The following ARHGAP15 variants were observed in gnomAD, a reference collection of about 807,000 sequenced individuals.
ARHGAP15 encodes Rho GTPase activating protein 15, also known as rho GTPase-activating protein 15.
In ARHGAP15, 51 loss-of-function variants were observed where a neutral mutation model predicts 63.7. The ratio of observed to expected loss-of-function variants is 0.80; its 90% CI spans 0.64 to 1.01. The LOEUF (loss-of-function observed/expected upper bound fraction) is 1.01. ARHGAP15 is among the 50% of genes least tolerant of loss of function. The pLI is 0.00. For missense variants in ARHGAP15, 560 were observed against 564.6 expected (o/e 0.99, Z 0.08); for synonymous variants, 191 against 193.8 (o/e 0.99, Z 0.12).
At chr2:143,513,045 G>A (rs578056087) in intron 9 of ARHGAP15, among the ~76,000 whole-genome samples, 4 of 152,186 alleles carry the variant, frequency 2.6e-5, no homozygotes, top group African/African-American at 7.2e-5. Flanking sequence ...AAGTTCACCT[G>A]AGATACTAGG....
intron 2 of ARHGAP15, among the ~76,000 whole-genome samples, chr2:143,176,964 C>T (rs1044925772): frequency 3.3e-5 from 5 of 152,132 alleles, no homozygotes; most frequent in Middle Eastern, 3.2e-3. Context: ...ATAGGGACTA[C>T]GTTCCAGGAG....
At chr2:143,706,729 C>T (rs577145963) in intron 13 of ARHGAP15, 3 of 152,156 alleles carry the variant, frequency 2.0e-5, no homozygotes, top group Admixed American at 2.0e-4. Context: ...GGGTCAAGTT[C>T]TATGCATCTG....
chr2:143,465,497 G>A (rs1024782070), intron 8 of ARHGAP15, among the ~76,000 whole-genome samples: 1 of 152,044 alleles, frequency 6.6e-6, no homozygotes, highest in African/African-American at 2.4e-5. Flanking sequence ...CTCACTGAAG[G>A]CCTTTACTCT....
chr2:143,740,473 TCA>T (rs1288309595), intron 13 of ARHGAP15, among the ~76,000 whole-genome samples: 1 of 152,246 alleles, frequency 6.6e-6, no homozygotes, highest in African/African-American at 2.4e-5. Flanking sequence ...CTGGAAATTT[TCA>T]CAGAGAACTC....
At chr2:143,364,203 CAAAAAA>C (rs371427810) in intron 6 of ARHGAP15, among the ~76,000 whole-genome samples, 27 of 148,370 alleles carry the variant, frequency 1.8e-4, no homozygotes, top group African/African-American at 6.5e-4. Flanking sequence ...ACAACAACAA[CAAAAAA>C]AAAAAAAAAA....
At chr2:143,363,551 T>C (rs1239022074) in intron 6 of ARHGAP15, among the ~76,000 whole-genome samples, 1 of 152,092 alleles carries the variant, frequency 6.6e-6, no homozygotes, top group Non-Finnish European at 1.5e-5. Context: ...CTTTATATAG[T>C]TTTCTTCTTT....
At chr2:143,457,292 A>G (rs1218271889) in intron 8 of ARHGAP15, among the ~76,000 whole-genome samples, 1 of 152,076 alleles carries the variant, frequency 6.6e-6, no homozygotes, top group African/African-American at 2.4e-5. Flanking sequence ...TAACCCCAGC[A>G]CTTTAGGAGA....
intron 13 of ARHGAP15, among the ~76,000 whole-genome samples, chr2:143,743,346 A>AG (rs1376741763): frequency 6.6e-6 from 1 of 152,190 alleles, no homozygotes; most frequent in Non-Finnish European, 1.5e-5. Context: ...CTCCTTTAGA[A>AG]GGGGGCTTCC....
At chr2:143,133,035 A>G (rs1364566959) in intron 1 of ARHGAP15, among the ~76,000 whole-genome samples, 1 of 152,206 alleles carries the variant, frequency 6.6e-6, no homozygotes, top group Non-Finnish European at 1.5e-5. Flanking sequence ...AGAATGCTCT[A>G]TTAGAGTTCA....
At chr2:143,683,988 ATTATT>A (rs1488241010) in intron 12 of ARHGAP15, among the ~76,000 whole-genome samples, 4 of 152,194 alleles carry the variant, frequency 2.6e-5, no homozygotes, top group East Asian at 1.9e-4. Flanking sequence ...AACTTTCTGC[ATTATT>A]TTATTATATT....
intron 11 of ARHGAP15, among the ~76,000 whole-genome samples, chr2:143,592,257 A>C (rs1041116704): frequency 3.3e-5 from 5 of 152,214 alleles, no homozygotes; most frequent in African/African-American, 1.2e-4. Flanking sequence ...CTCAGCAAGA[A>C]ATTATAGCAT....
chr2:143,254,664 A>G (rs1473162274), intron 6 of ARHGAP15, among the ~76,000 whole-genome samples: 1 of 152,118 alleles, frequency 6.6e-6, no homozygotes, highest in Non-Finnish European at 1.5e-5. Flanking sequence ...CCGTGTCATT[A>G]AATTTAGTAC....
intron 10 of ARHGAP15, among the ~76,000 whole-genome samples, chr2:143,553,230 C>A (rs1695649829): frequency 6.6e-6 from 1 of 152,110 alleles, no homozygotes; most frequent in South Asian, 2.1e-4. Context: ...GATTATTTTG[C>A]AAAATGTAAT....
intron 11 of ARHGAP15, among the ~76,000 whole-genome samples, chr2:143,584,491 T>C (rs925373680): frequency 5.3e-5 from 8 of 152,006 alleles, no homozygotes; most frequent in Non-Finnish European, 8.8e-5. Flanking sequence ...CTGGGCGTGG[T>C]GGCAGGCACC....
At chr2:143,711,338 C>A (rs920232916) in intron 13 of ARHGAP15, among the ~76,000 whole-genome samples, 2 of 152,136 alleles carry the variant, frequency 1.3e-5, no homozygotes, top group Non-Finnish European at 1.5e-5. Flanking sequence ...TAGGAGAATT[C>A]TAGGCAGCAG....
intron 6 of ARHGAP15, among the ~76,000 whole-genome samples, chr2:143,362,641 G>A (rs1686112924): frequency 6.6e-6 from 1 of 152,142 alleles, no homozygotes; most frequent in African/African-American, 2.4e-5. Context: ...AAACTAACAA[G>A]ACTAAACAAG....
chr2:143,387,346 CAG>C (rs1184763293), intron 6 of ARHGAP15, among the ~76,000 whole-genome samples: 2 of 152,078 alleles, frequency 1.3e-5, no homozygotes, highest in African/African-American at 4.8e-5. Context: ...GAAAATTAAA[CAG>C]AATGTAAGAG....
intron 5 of ARHGAP15, among the ~76,000 whole-genome samples, chr2:143,241,920 C>T (rs1025064567): frequency 1.7e-4 from 26 of 152,200 alleles, no homozygotes; most frequent in African/African-American, 5.5e-4. Context: ...TTCAAAGAGA[C>T]GGAGAGAAAA....
intron 6 of ARHGAP15, among the ~76,000 whole-genome samples, chr2:143,409,932 G>A (rs1688374533): frequency 6.6e-6 from 1 of 152,068 alleles, no homozygotes; most frequent in Admixed American, 6.6e-5. Context: ...AGTGATGTGT[G>A]ACTGTACTTT....
Sources: allele counts gnomAD v4.1 joint callset (sites outside exome capture counted in the v4.1 genomes callset), GRCh38; gene constraint gnomAD v4.1.1; transcripts MANE v1.5; gene names NCBI Gene and HGNC (gene_info 2026-07-23, HGNC 2026-07-21).